The following FSTL5 variants were observed in gnomAD, a reference collection of about 807,000 sequenced individuals.
The protein encoded by FSTL5 is follistatin-related protein 5.
Under a neutral mutation model 89.1 loss-of-function variants are expected in FSTL5, and 62 were observed. The observed-to-expected ratio is 0.70, with a 90% CI of 0.57 to 0.86. The LOEUF (loss-of-function observed/expected upper bound fraction) is 0.86. Ranked by LOEUF, FSTL5 falls within the 40% of genes least tolerant of loss-of-function variation. FSTL5 has a pLI of 0.00. For missense variants in FSTL5, 1,057 were observed against 1,001.6 expected, an observed-to-expected ratio of 1.06 and a Z score of -0.75; for synonymous variants, 383 against 346.2, an observed-to-expected ratio of 1.11 and a Z score of -1.18.
rs902836821 is a variant in FSTL5 at position 162,119,022 on chromosome 4, G to A, written c.-16-7610C>T. 4.6e-5 allele frequency among the ~76,000 whole-genome samples: 7 copies of A among 152,056 alleles called. No individual in the cohort carries two copies. In the South Asian group the frequency reaches 1.0e-3, roughly 23 times the overall value. ...CCTGAGGCCAGAAATTCAAGTTGAAGACCAGACTGGGCAATATAGCAAGAC... is the reference window on the plus strand; with the variant it reads ...CCTGAGGCCAGAAATTCAAGTTGAAAACCAGACTGGGCAATATAGCAAGAC... On this transcript the variant is annotated intron_variant, in intron 1 of 15. Transcript: ENST00000306100.
At chr4:161,700,575 T>G (rs1202077132) in intron 6 of FSTL5, among the ~76,000 whole-genome samples, 1 of 151,878 alleles carries the variant, frequency 6.6e-6, no homozygotes, top group African/African-American at 2.4e-5. Flanking sequence ...GAGGTTTTGC[T>G]ATGTTTGCCC....
chr4:161,651,000 C>T (rs1380008797), intron 7 of FSTL5, among the ~76,000 whole-genome samples: 1 of 152,120 alleles, frequency 6.6e-6, no homozygotes, highest in Admixed American at 6.6e-5. Flanking sequence ...TTCAACTTCT[C>T]TTTTTCTTTC....
intron 6 of FSTL5, among the ~76,000 whole-genome samples, chr4:161,729,711 C>G (rs925771081): frequency 6.6e-6 from 1 of 152,172 alleles, no homozygotes; most frequent in Non-Finnish European, 1.5e-5. Flanking sequence ...CAAAATCTGA[C>G]CCTTCTGTGT....
chr4:162,100,419 G>C (rs1360314668), intron 2 of FSTL5, among the ~76,000 whole-genome samples: 2 of 152,110 alleles, frequency 1.3e-5, no homozygotes, highest in Non-Finnish European at 2.9e-5. Context: ...AATTATCCAG[G>C]TGTGGTGAGG....
chr4:161,492,588 T>C (rs1476971119), intron 12 of FSTL5, among the ~76,000 whole-genome samples: 1 of 152,124 alleles, frequency 6.6e-6, no homozygotes, highest in African/African-American at 2.4e-5. Flanking sequence ...ATGTTGTTGT[T>C]TGGCAAGTTC....
intron 4 of FSTL5, among the ~76,000 whole-genome samples, chr4:161,786,633 C>A (rs1182119113): frequency 6.6e-6 from 1 of 152,060 alleles, no homozygotes; most frequent in Admixed American, 6.6e-5. Flanking sequence ...AGGATTACTC[C>A]GTGTTTTCAA....
At chr4:161,542,810 GT>G (rs1731877843) in intron 8 of FSTL5, 117 bp from the exon 9 acceptor site, 1 of 523,482 alleles carries the variant, frequency 1.9e-6, no homozygotes, top group Admixed American at 4.4e-5. Flanking sequence ...GATGCTATAC[GT>G]TTCTACAGAT....
chr4:161,682,336 A>G (rs1737553877), intron 6 of FSTL5, among the ~76,000 whole-genome samples: 1 of 152,178 alleles, frequency 6.6e-6, no homozygotes, highest in Non-Finnish European at 1.5e-5. Context: ...ATAATAAATT[A>G]AACTTCTCTC....
chr4:161,738,860 A>G (rs1739908169), intron 6 of FSTL5, among the ~76,000 whole-genome samples: 1 of 152,178 alleles, frequency 6.6e-6, no homozygotes, highest in African/African-American at 2.4e-5. Context: ...ATATTTACAT[A>G]TTTGGTTAAA....
intron 8 of FSTL5, among the ~76,000 whole-genome samples, chr4:161,562,725 G>A (rs1732650125): frequency 6.6e-6 from 1 of 151,640 alleles, no homozygotes; most frequent in South Asian, 2.1e-4. Flanking sequence ...CCCTGTTACT[G>A]CTTTTAAGTA....
chr4:161,458,641 C>T (rs556457889), intron 14 of FSTL5, among the ~76,000 whole-genome samples: 2 of 152,274 alleles, frequency 1.3e-5, no homozygotes, highest in East Asian at 3.9e-4. Context: ...AAACTCCTTC[C>T]CATTTTCTTT....
chr4:162,160,761 A>G (rs1037534367), intron 1 of FSTL5, among the ~76,000 whole-genome samples: 2 of 151,676 alleles, frequency 1.3e-5, no homozygotes, highest in Admixed American at 6.6e-5. Context: ...CAAACTTTTT[A>G]GAGTATTTCA....
chr4:161,386,176 G>C lies in FSTL5; in HGVS notation c.2115C>G (p.Tyr705Ter). 6.2e-7 allele frequency: 1 copy of C among 1,613,952 alleles called. No individual in the cohort carries two copies. Among genetic ancestry groups the C allele is most frequent in the Non-Finnish European group, 8.5e-7 (1 of 1,179,960 alleles). ...GTPYVSPDGH[Y>*]LVSINDVKGL... is the part of the protein sequence containing the mutation. ...CTTTCACATCATTAATGCTGACAAG[G>C]TAGTGGCCATCTGGAGAGACATATG... is the stretch of plus-strand genomic sequence containing the variant. The change falls in exon 16 of 16, where the codon TAC becomes TAG. Residue 705 changes from tyrosine to a stop codon, truncating the protein, a stop_gained. Transcript: ENST00000306100. LOFTEE classifies it high-confidence loss of function.
chr4:161,744,512 T>C (rs369881002), intron 6 of FSTL5, among the ~76,000 whole-genome samples: 21 of 152,272 alleles, frequency 1.4e-4, no homozygotes, highest in African/African-American at 5.1e-4. Context: ...GTCTTACACC[T>C]AATTCTACCA....
chr4:161,473,881 T>C (rs1038758211), intron 13 of FSTL5, among the ~76,000 whole-genome samples: 1 of 152,186 alleles, frequency 6.6e-6, no homozygotes, highest in African/African-American at 2.4e-5. Context: ...AGATAGCATA[T>C]AGTTTGATCC....
chr4:161,893,493 C>T (rs1281584689), intron 4 of FSTL5, among the ~76,000 whole-genome samples: 3 of 152,132 alleles, frequency 2.0e-5, no homozygotes, highest in Non-Finnish European at 4.4e-5. Flanking sequence ...AAAGCCATCA[C>T]ATTATCCTTA....
chr4:162,004,838 G>C (rs1172728892), intron 3 of FSTL5, among the ~76,000 whole-genome samples: 1 of 152,022 alleles, frequency 6.6e-6, no homozygotes. Context: ...AACAGTCCCT[G>C]GCATACAGTG....
At chr4:161,424,966 T>C (rs1381069689) in intron 15 of FSTL5, among the ~76,000 whole-genome samples, 3 of 152,238 alleles carry the variant, frequency 2.0e-5, no homozygotes, top group African/African-American at 7.2e-5. Flanking sequence ...TCTGTTTTCT[T>C]GTTCCCACCT....
intron 3 of FSTL5, among the ~76,000 whole-genome samples, chr4:162,013,875 ACCT>A (rs1736841048): frequency 6.6e-6 from 1 of 152,102 alleles, no homozygotes; most frequent in African/African-American, 2.4e-5. Flanking sequence ...ATGCCTACAA[ACCT>A]CAAGCCTTAA....
Sources: allele counts gnomAD v4.1 joint callset (sites outside exome capture counted in the v4.1 genomes callset), GRCh38; gene constraint gnomAD v4.1.1; transcripts MANE v1.5; gene names NCBI Gene and HGNC (gene_info 2026-07-23, HGNC 2026-07-21).